JAKMIP2: variants seen among roughly 807,000 people sequenced by gnomAD.
JAKMIP2 encodes the protein janus kinase and microtubule interacting protein 2, also known as janus kinase and microtubule-interacting protein 2.
A neutral mutation model predicts 115.0 loss-of-function variants in JAKMIP2; 25 were observed. The observed-to-expected ratio is 0.22, with a 90% CI of 0.16 to 0.30. JAKMIP2 has a LOEUF of 0.30. Among genes scored for constraint, JAKMIP2 ranks in the 10% least tolerant of loss-of-function variants. The pLI is 1.00. For missense variants in JAKMIP2, 642 were observed against 957.6 expected, an observed-to-expected ratio of 0.67 and a Z score of 4.35; for synonymous variants, 334 against 343.6, an observed-to-expected ratio of 0.97 and a Z score of 0.31.
At chr5:147,636,773 T>G (rs549689828) in intron 11 of JAKMIP2, among the ~76,000 whole-genome samples, 192 bp downstream of exon 11, 43 of 152,284 alleles carry the variant, frequency 2.8e-4, no homozygotes, top group African/African-American at 1.0e-3. Context: ...TTCACTGTTG[T>G]GGCTGGGTTC....
chr5:147,665,223 G>A (rs934279402), intron 2 of JAKMIP2, among the ~76,000 whole-genome samples: 1 of 152,116 alleles, frequency 6.6e-6, no homozygotes, highest in Admixed American at 6.5e-5. Context: ...TATTGCTTAA[G>A]GCTGCTTTCA....
At position 147,782,686 on chromosome 5, in the gene JAKMIP2, T is replaced by G. The variant is rs774761213; in HGVS notation, c.-379A>C. On this transcript the variant is annotated 5_prime_UTR_variant, in exon 1 of 22. The change abolishes an upstream ATG in the 5' untranslated region. Coordinates refer to ENST00000616793, the MANE Select transcript of JAKMIP2 (RefSeq NM_001270941.2). ...GGCGGCAGCAGCAGCAGCAGCAGCATCACCAGTTGGGCCTCCTCCCTCTCG... is the reference window on the plus strand; with the variant it reads ...GGCGGCAGCAGCAGCAGCAGCAGCAGCACCAGTTGGGCCTCCTCCCTCTCG... The G allele has an allele frequency of 1.7e-6, 1 of 595,834 alleles. No homozygotes were observed. Among genetic ancestry groups the G allele is most frequent in the Non-Finnish European group, 2.9e-6 (1 of 342,364 alleles). The allele number at this position is 595,834 out of a possible 1,614,324, so 36.9% of individuals were successfully genotyped here. A position where few individuals can be genotyped will look rare whatever the true frequency, so the allele number is the denominator to read the frequency against.
Position 147,752,232 on chromosome 5 carries a change from G to A in JAKMIP2, c.-149+30224C>T, listed in dbSNP as rs569475409. Among the ~76,000 whole-genome samples the A allele has an allele frequency of 7.6e-4, 116 of 152,214 alleles. 1 individual carries two copies. Among genetic ancestry groups the A allele is most frequent in the African/African-American group, 2.6e-3 (109 of 41,550 alleles). On this transcript the variant is annotated intron_variant, in intron 1 of 21. Transcript: ENST00000616793. ...GAGGCCCTGTCAAGGGAATTACCTC[G>A]TTTTGTTTAAAAATCTGGATGAAGT...
In JAKMIP2 at chr5:147,588,062, A is replaced by G. The variant is rs1455556815; in HGVS notation, c.*3645T>C. On this transcript the variant is annotated 3_prime_UTR_variant, in exon 22 of 22. Coordinates refer to ENST00000616793, the MANE Select transcript of JAKMIP2 (RefSeq NM_001270941.2). ...GAAGGGTTGTAATTTTTTTCAGCAA[A>G]TTCTATTTCCTAAAAGTAGGGTGGC... The G allele has an allele frequency of 6.6e-6, 1 of 152,068 alleles. No individual in the cohort carries two copies. Among genetic ancestry groups the G allele is most frequent in the African/African-American group, 2.4e-5 (1 of 41,402 alleles). The allele number at this position is 152,068 out of a possible 1,614,324, so 9.4% of individuals were successfully genotyped here.
At chr5:147,703,438 G>A (rs1439344858) in intron 1 of JAKMIP2, among the ~76,000 whole-genome samples, 1 of 152,090 alleles carries the variant, frequency 6.6e-6, no homozygotes, top group Non-Finnish European at 1.5e-5. Flanking sequence ...TGGACTGGAA[G>A]TTGTTCTGGG....
chr5:147,592,197 T>G (rs1419765481), intron 21 of JAKMIP2, among the ~76,000 whole-genome samples: 2 of 152,182 alleles, frequency 1.3e-5, no homozygotes, highest in Non-Finnish European at 2.9e-5. Context: ...ACACTGCCAC[T>G]TCTCTACCTC....
At chr5:147,673,259 C>T (rs1379363564) in intron 1 of JAKMIP2, among the ~76,000 whole-genome samples, 1 of 152,134 alleles carries the variant, frequency 6.6e-6, no homozygotes, top group East Asian at 1.9e-4. Flanking sequence ...AATACTAAAT[C>T]ATTAAAGTCA....
At chr5:147,685,453 A>G (rs1459394533) in intron 1 of JAKMIP2, among the ~76,000 whole-genome samples, 2 of 152,196 alleles carry the variant, frequency 1.3e-5, no homozygotes, top group Non-Finnish European at 2.9e-5. Flanking sequence ...AAAGAAGCTC[A>G]AAGAAGAAAT....
intron 1 of JAKMIP2, among the ~76,000 whole-genome samples, chr5:147,675,804 T>G (rs1743100384): frequency 7.6e-6 from 1 of 131,372 alleles, no homozygotes; most frequent in African/African-American, 3.3e-5. Context: ...TTTTTTTTTT[T>G]TGTGACTGGC....
At chr5:147,748,645 T>C (rs1454909264) in intron 1 of JAKMIP2, among the ~76,000 whole-genome samples, 4 of 152,048 alleles carry the variant, frequency 2.6e-5, no homozygotes. Flanking sequence ...CTTTTCTTTG[T>C]CACCACATGT....
At chr5:147,630,318 G>A (rs1437624374) in intron 14 of JAKMIP2, among the ~76,000 whole-genome samples, 1 of 152,080 alleles carries the variant, frequency 6.6e-6, no homozygotes, top group Non-Finnish European at 1.5e-5. Context: ...TGAAGCAGCT[G>A]AACTCCATTC....
rs1425994172 is a variant in JAKMIP2, at chr5:147,764,945, AGG to A, written c.-149+17509_-149+17510del. Among the ~76,000 whole-genome samples the A allele has an allele frequency of 2.1e-3, 191 of 88,936 alleles. 1 individual carries two copies. The highest frequency in any genetic ancestry group is 3.6e-3 in the African/African-American group (60 of 16,744). The allele number at this position is 88,936 out of a possible 152,430, so 58.3% of individuals were successfully genotyped here. ...AAGAGAGAGAGAGAGAGAGAGAGAG[AGG>A]GAGAGAGAGAGAGAGAGAGGGGGAG... On this transcript the variant is annotated intron_variant, in intron 1 of 21. Transcript: ENST00000616793.
At chr5:147,676,505 C>A (rs998756874) in intron 1 of JAKMIP2, among the ~76,000 whole-genome samples, 1 of 152,152 alleles carries the variant, frequency 6.6e-6, no homozygotes, top group African/African-American at 2.4e-5. Flanking sequence ...TCTACAGGAG[C>A]TTTACAACAT....
intron 1 of JAKMIP2, among the ~76,000 whole-genome samples, chr5:147,685,289 G>GAA (rs1244179021): frequency 6.6e-6 from 1 of 152,126 alleles, no homozygotes; most frequent in Non-Finnish European, 1.5e-5. Context: ...TCTCAGTAAG[G>GAA]GACATTGGAA....
chr5:147,775,889 A>G (rs1315868073), intron 1 of JAKMIP2, among the ~76,000 whole-genome samples: 2 of 152,148 alleles, frequency 1.3e-5, no homozygotes, highest in African/African-American at 4.8e-5. Flanking sequence ...TTCTGCCCTC[A>G]TGGAGCTTAC....
intron 1 of JAKMIP2, among the ~76,000 whole-genome samples, chr5:147,677,604 A>G (rs1760038269): frequency 6.6e-6 from 1 of 152,172 alleles, no homozygotes; most frequent in African/African-American, 2.4e-5. Flanking sequence ...TCTACTCCCA[A>G]TATAGTCCTT....
chr5:147,658,434 A>G, intron 3 of JAKMIP2, among the ~76,000 whole-genome samples: 1 of 152,128 alleles, frequency 6.6e-6, no homozygotes, highest in South Asian at 2.1e-4. Flanking sequence ...GCTCTCCTGT[A>G]TGAGGTGTCT....
At chr5:147,702,684 GAAAGA>G (rs1248927569) in intron 1 of JAKMIP2, among the ~76,000 whole-genome samples, 13 of 136,552 alleles carry the variant, frequency 9.5e-5, no homozygotes, top group African/African-American at 3.2e-4. Flanking sequence ...GAAAGAGAAA[GAAAGA>G]AAAGAAAAGA....
At chr5:147,710,368 A>C (rs1752732071) in intron 1 of JAKMIP2, among the ~76,000 whole-genome samples, 1 of 152,202 alleles carries the variant, frequency 6.6e-6, no homozygotes, top group South Asian at 2.1e-4. Context: ...TTAGCTATCA[A>C]AAAAAGAAAG....
Sources: gnomAD v4.1 joint callset for allele counts (sites outside exome capture counted in the v4.1 genomes callset) on GRCh38, gnomAD v4.1.1 for gene constraint, MANE v1.5 for transcripts, NCBI Gene and HGNC (gene_info 2026-07-23, HGNC 2026-07-21) for gene names.